The following GCNT2 variants were observed in gnomAD, a reference collection of about 807,000 sequenced individuals.
GCNT2 encodes N-acetyllactosaminide beta-1,6-N-acetylglucosaminyl-transferase.
GCNT2 carries 34 observed loss-of-function variants against 34.2 expected under a neutral mutation model. The observed-to-expected ratio is 1.00, with a 90% CI of 0.76 to 1.32. GCNT2 has a LOEUF of 1.32. GCNT2 is among the 40% of genes most tolerant of loss of function. GCNT2 has a pLI of 0.00. For missense variants in GCNT2, 584 were observed against 489.4 expected, an observed-to-expected ratio of 1.19 and a Z score of -1.82; for synonymous variants, 212 against 188.0, an observed-to-expected ratio of 1.13 and a Z score of -1.04.
intron 3 of GCNT2, among the ~76,000 whole-genome samples, chr6:10,579,884 C>CGG (rs1448841626): frequency 7.3e-5 from 11 of 151,456 alleles, no homozygotes; most frequent in Admixed American, 3.9e-4. Flanking sequence ...GTATAAATGC[C>CGG]GGTATCCTTA....
intron 3 of GCNT2, among the ~76,000 whole-genome samples, chr6:10,563,710 C>T (rs1763122560): frequency 7.1e-6 from 1 of 140,372 alleles, no homozygotes; most frequent in Non-Finnish European, 1.5e-5. Flanking sequence ...CCACTATGTT[C>T]CAGCCTGGGT....
intron 3 of GCNT2, among the ~76,000 whole-genome samples, chr6:10,575,795 G>C (rs1021341104): frequency 3.9e-5 from 6 of 152,104 alleles, no homozygotes; most frequent in African/African-American, 1.2e-4. Flanking sequence ...ATTACCTTGT[G>C]AAAGTCCTTT....
chr6:10,557,033 T>C (rs931610524), intron 3 of GCNT2: 2 of 1,613,014 alleles, frequency 1.2e-6, no homozygotes, highest in Non-Finnish European at 1.7e-6. Flanking sequence ...AATAGTTCAG[T>C]ATCTGAAAGG....
intron 3 of GCNT2, among the ~76,000 whole-genome samples, chr6:10,537,698 C>CAAAAAAAAAAAAAAAAAAAAAAA (rs201257236): frequency 1.2e-5 from 1 of 83,228 alleles, no homozygotes. Flanking sequence ...GATTCTGCCG[C>CAAAAAAAAAAAAAAAAAAAAAAA]AAAAAAAAAA....
rs1446274321 is a variant in GCNT2 at position 10,627,266 on chromosome 6, A to T, written c.*659A>T. 1 of 152,568 alleles carries T rather than the reference A, an allele frequency of 6.6e-6. No homozygotes were observed. Among genetic ancestry groups the T allele is most frequent in the Non-Finnish European group, 1.5e-5 (1 of 68,314 alleles). 9.5% of individuals were successfully genotyped at this position (152,568 alleles called of 1,614,324 possible). Reference sequence around the variant, plus strand: ...TTCAGTAAAAGGACCTCGGGGAATAAAACATTTCTCTCTTATATGCCAGAA... The same window carrying T: ...TTCAGTAAAAGGACCTCGGGGAATATAACATTTCTCTCTTATATGCCAGAA... On this transcript the variant is annotated 3_prime_UTR_variant, in exon 5 of 5. Coordinates refer to ENST00000495262, the MANE Select transcript of GCNT2 (RefSeq NM_145649.5).
At chr6:10,526,943 C>G (rs1761221005) in intron 1 of GCNT2, among the ~76,000 whole-genome samples, 1 of 151,844 alleles carries the variant, frequency 6.6e-6, no homozygotes, top group Non-Finnish European at 1.5e-5. Flanking sequence ...AGACCCCCAT[C>G]TCTACAAAAG....
chr6:10,580,764 G>T (rs537495874), intron 3 of GCNT2, among the ~76,000 whole-genome samples: 1 of 152,296 alleles, frequency 6.6e-6, no homozygotes, highest in Admixed American at 6.5e-5. Context: ...TGCAGTGGAA[G>T]CAGAGCTCGT....
rs553757894 is a variant in GCNT2 at position 10,560,794 on chromosome 6, C to A, written c.925+30958C>A. ...GAGTGACTTCTCTTTTGGTTTTCAACCACTAGGCTCTCTCTACACTGTTAG... is the reference window on the plus strand; with the variant it reads ...GAGTGACTTCTCTTTTGGTTTTCAAACACTAGGCTCTCTCTACACTGTTAG... On this transcript the variant is annotated intron_variant, in intron 3 of 4. Transcript: ENST00000495262. Among the ~76,000 whole-genome samples, 72 of 152,028 alleles carry A rather than the reference C, an allele frequency of 4.7e-4. 2 individuals are homozygous for A. The South Asian group carries it at 0.013, about 27-fold the overall frequency.
chr6:10,561,760 C>G (rs1319597573), intron 3 of GCNT2, among the ~76,000 whole-genome samples: 3 of 151,868 alleles, frequency 2.0e-5, no homozygotes, highest in Non-Finnish European at 4.4e-5. Context: ...TGATATTTTT[C>G]TTCCATAAGA....
At chr6:10,594,253 C>A (rs1356456030) in intron 3 of GCNT2, among the ~76,000 whole-genome samples, 1 of 152,176 alleles carries the variant, frequency 6.6e-6, no homozygotes, top group Non-Finnish European at 1.5e-5. Flanking sequence ...TGACACGGAC[C>A]ATCTTTTACA....
At position 10,587,167 on chromosome 6, in the gene GCNT2, T is replaced by A. The variant is rs372378192; in HGVS notation, c.926-34184T>A. Among the ~76,000 whole-genome samples the A allele has an allele frequency of 9.9e-5, 15 of 152,206 alleles. 1 individual carries two copies. In the East Asian group the frequency reaches 2.7e-3, roughly 27 times the overall value. Reference sequence around the variant, plus strand: ...TTACATAGTTGCTGAATTTTAACTGTTGTTTGAATTAATACTTTTCGTAGT... The same window carrying A: ...TTACATAGTTGCTGAATTTTAACTGATGTTTGAATTAATACTTTTCGTAGT... On this transcript the variant is annotated intron_variant, in intron 3 of 4. Coordinates refer to ENST00000495262, the MANE Select transcript of GCNT2 (RefSeq NM_145649.5).
At chr6:10,565,909 C>T (rs1474175064) in intron 3 of GCNT2, among the ~76,000 whole-genome samples, 3 of 152,170 alleles carry the variant, frequency 2.0e-5, no homozygotes, top group African/African-American at 4.8e-5. Context: ...CATGATCATG[C>T]GATCACATCC....
In GCNT2 at chr6:10,573,886, G is replaced by A. The variant is rs553318979; in HGVS notation, c.925+44050G>A. Among the ~76,000 whole-genome samples, 4 of 152,278 alleles carry A rather than the reference G, an allele frequency of 2.6e-5. No homozygotes were observed. In the East Asian group the frequency reaches 7.7e-4, roughly 29 times the overall value. On this transcript the variant is annotated intron_variant, in intron 3 of 4. Transcript: ENST00000495262. ...CCTTGAGGGCTTCTGCCTATGCTTC[G>A]GGATATTTCAGGTGGCAGAAGCACC...
chr6:10,550,218 T>A (rs1762426111), intron 3 of GCNT2, among the ~76,000 whole-genome samples: 1 of 152,144 alleles, frequency 6.6e-6, no homozygotes, highest in Non-Finnish European at 1.5e-5. Context: ...CATGCCTGGC[T>A]AATTTTTGTA....
At chr6:10,560,871 A>T (rs1379099286) in intron 3 of GCNT2, among the ~76,000 whole-genome samples, 1 of 151,776 alleles carries the variant, frequency 6.6e-6, no homozygotes, top group East Asian at 1.9e-4. Flanking sequence ...CCAGTCTCTC[A>T]CTCCTTTTCA....
chr6:10,587,899 A>C (rs1241448459), intron 3 of GCNT2, among the ~76,000 whole-genome samples: 1 of 151,984 alleles, frequency 6.6e-6, no homozygotes, highest in East Asian at 1.9e-4. Context: ...CTTCCTGTCT[A>C]CACACACACA....
At chr6:10,555,823 T>G in intron 3 of GCNT2, 1 of 985,428 alleles carries the variant, frequency 1.0e-6, no homozygotes, top group Non-Finnish European at 1.2e-6. Context: ...GTGTCACGTT[T>G]CCTGAAACAG....
chr6:10,615,155 G>C (rs1765707747), intron 3 of GCNT2, among the ~76,000 whole-genome samples: 1 of 152,114 alleles, frequency 6.6e-6, no homozygotes, highest in Non-Finnish European at 1.5e-5. Context: ...TCAAGGAGGG[G>C]AGGAAAAAAG....
chr6:10,532,775 G>A (rs1761557606), intron 3 of GCNT2, among the ~76,000 whole-genome samples: 1 of 152,192 alleles, frequency 6.6e-6, no homozygotes. Context: ...CTGACCTGAG[G>A]CAGGGCTGAA....
Sources: allele counts gnomAD v4.1 joint callset (sites outside exome capture counted in the v4.1 genomes callset), GRCh38; gene constraint gnomAD v4.1.1; transcripts MANE v1.5; gene names NCBI Gene and HGNC (gene_info 2026-07-23, HGNC 2026-07-21).